Variants in CYTH1 observed in about 807,000 individuals in gnomAD.
CYTH1 encodes the protein cytohesin-1.
Under a neutral mutation model 61.8 loss-of-function variants are expected in CYTH1, and 18 were observed. The ratio of observed to expected loss-of-function variants is 0.29; its 90% CI spans 0.20 to 0.43. The LOEUF (loss-of-function observed/expected upper bound fraction) is 0.43, where lower values mean the gene tolerates loss of function less well. CYTH1 is among the 20% of genes least tolerant of loss of function. The pLI is 1.00. For synonymous variants in CYTH1, 174 were observed against 184.3 expected, an observed-to-expected ratio of 0.94 and a Z score of 0.45; for missense variants, 336 against 510.5, an observed-to-expected ratio of 0.66 and a Z score of 3.29.
At chr17:78,745,884 C>G (rs2093357714) in intron 1 of CYTH1, among the ~76,000 whole-genome samples, 1 of 151,612 alleles carries the variant, frequency 6.6e-6, no homozygotes, top group South Asian at 2.1e-4. Context: ...GAGCGAGACT[C>G]TGTCTCAAAA....
In CYTH1 at chr17:78,700,496, C is replaced by T; in HGVS notation, c.438-53G>A. 1 of 1,350,966 alleles carries T rather than the reference C, an allele frequency of 7.4e-7. No individual in the cohort carries two copies. The highest frequency in any genetic ancestry group is 1.0e-6 in the Non-Finnish European group (1 of 981,748). 83.7% of individuals were successfully genotyped at this position (1,350,966 alleles called of 1,614,324 possible). On this transcript the variant is annotated intron_variant, in intron 6 of 13. Coordinates refer to ENST00000446868, the MANE Select transcript of CYTH1 (RefSeq NM_004762.6). The surrounding 1 kb of genome is among the most constrained non-coding windows in gnomAD (Gnocchi z 5.1). Reference sequence around the variant, plus strand: ...GAACTTGGGGAGGCAATTTATTTCTCTATGAATTGTTAAACTGCCAATGAT... The same window carrying T: ...GAACTTGGGGAGGCAATTTATTTCTTTATGAATTGTTAAACTGCCAATGAT...
At chr17:78,777,163 C>T (rs904949056) in intron 1 of CYTH1, among the ~76,000 whole-genome samples, 10 of 147,704 alleles carry the variant, frequency 6.8e-5, no homozygotes, top group Non-Finnish European at 1.0e-4. Context: ...CGGTGGCTCA[C>T]GCCTGTAATC....
In CYTH1 at chr17:78,677,155, G is replaced by A. The variant is rs533458894; in HGVS notation, c.1119-986C>T. The A allele has an allele frequency of 1.8e-5, 8 of 445,912 alleles. No homozygotes were observed. The East Asian group carries it at 5.6e-4, about 31-fold the overall frequency. 27.6% of individuals were successfully genotyped at this position (445,912 alleles called of 1,614,324 possible). Reference sequence around the variant, plus strand: ...AAACATGTCCCGATGGGATCTCACTGGGAAGCGGTCTGACCACCTGAAGTG... The same window carrying A: ...AAACATGTCCCGATGGGATCTCACTAGGAAGCGGTCTGACCACCTGAAGTG... On this transcript the variant is annotated intron_variant, in intron 13 of 13. Transcript: ENST00000446868.
intron 1 of CYTH1, among the ~76,000 whole-genome samples, chr17:78,735,936 T>C (rs1273039848): frequency 6.6e-6 from 1 of 152,222 alleles, no homozygotes; most frequent in Non-Finnish European, 1.5e-5. Context: ...ACACAGCTCT[T>C]CAGCAGAATC....
chr17:78,759,876 C>G (rs2093415225), intron 1 of CYTH1, among the ~76,000 whole-genome samples: 1 of 152,186 alleles, frequency 6.6e-6, no homozygotes, highest in Admixed American at 6.5e-5. Flanking sequence ...TTGGAGAGAA[C>G]AGTTAGAGGT....
chr17:78,704,474 T>C (rs35131460), intron 3 of CYTH1, among the ~76,000 whole-genome samples: 3,120 of 152,222 alleles, frequency 0.02, 97 homozygotes, highest in South Asian at 0.15. Flanking sequence ...GCTAAATCCA[T>C]GGAGGGAAGA....
chr17:78,768,824 T>C (rs1006906126), intron 1 of CYTH1, among the ~76,000 whole-genome samples: 1 of 151,750 alleles, frequency 6.6e-6, no homozygotes, highest in Non-Finnish European at 1.5e-5. Flanking sequence ...GCTTCCTTTC[T>C]CTCTCCCTTC....
At position 78,680,270 on chromosome 17, in the gene CYTH1, C is replaced by T; in HGVS notation, c.1038G>A (p.Arg346=). The T allele has an allele frequency of 6.2e-7, 1 of 1,614,162 alleles. No individual in the cohort carries two copies. ...IKACKTEADG[R]VVEGNHTVYR... ...AAACAGTGTGGTTCCCCTCCACCAC[C>T]CGCCCGTCAGCCTCGGTCTTGCAGG... Residue 346 remains arginine, a synonymous_variant, in exon 13 of 14, where the codon CGG becomes CGA. Transcript: ENST00000446868.
At chr17:78,760,576 CAT>C (rs1555615428) in intron 1 of CYTH1, among the ~76,000 whole-genome samples, 1 of 24,892 alleles carries the variant, frequency 4.0e-5, no homozygotes, top group African/African-American at 1.4e-4. Context: ...TATACACATA[CAT>C]ATATATGTAT....
At position 78,675,800 on chromosome 17, in the gene CYTH1, C is replaced by T. The variant is rs2092691822; in HGVS notation, c.*291G>A. ...TTGGCTCTGAGCTCTGCTACCAGAA[C>T]ACTGAGCAGAGAAACTGGCCAGGAG... On this transcript the variant is annotated 3_prime_UTR_variant, in exon 14 of 14. Coordinates refer to ENST00000446868, the MANE Select transcript of CYTH1 (RefSeq NM_004762.6). The T allele has an allele frequency of 1.5e-6, 2 of 1,332,684 alleles. No homozygotes were observed. The highest frequency in any genetic ancestry group is 1.6e-5 in the South Asian group (1 of 61,184). 82.6% of individuals were successfully genotyped at this position (1,332,684 alleles called of 1,614,324 possible). A position where few individuals can be genotyped will look rare whatever the true frequency, so the allele number is the denominator to read the frequency against.
chr17:78,698,864 G>T lies in CYTH1; in HGVS notation c.655C>A (p.Arg219=). 6.2e-7 allele frequency: 1 copy of T among 1,600,128 alleles called. No homozygotes were observed. The highest frequency in any genetic ancestry group is 8.5e-7 in the Non-Finnish European group (1 of 1,175,982). The change falls in exon 8 of 14, where the codon CGA becomes AGA. Residue 219 remains arginine (R), a synonymous_variant. Transcript: ENST00000446868. The stretch of plus-strand genomic sequence containing the variant: ...AGGTCTCCCCCATCATTGATGCCTC[G>T]GTTCATGGCAATGAACCTCTCCACA... ...PTVERFIAMN[R]GINDGGDLPE... is the part of the protein sequence containing the mutation.
rs780779855 is a variant in CYTH1 at position 78,680,207 on chromosome 17, C to T, written c.1101G>A (p.Glu367=). 3 of 1,614,090 alleles carry T rather than the reference C, an allele frequency of 1.9e-6. No individual in the cohort carries two copies. The highest frequency in any genetic ancestry group is 2.2e-5 in the East Asian group (1 of 44,898). ...TCACTTACTTAATGCACTTAATCCA[C>T]TCCTCCTTCTCCTCGGGCGTCGGAG... ...ISAPTPEEKE[E]WIKCIKAAIS... The change falls in exon 13 of 14, where the codon GAG becomes GAA. Residue 367 remains glutamate, a synonymous_variant. Transcript: ENST00000446868.
At chr17:78,736,025 A>C (rs2093318551) in intron 1 of CYTH1, among the ~76,000 whole-genome samples, 1 of 152,206 alleles carries the variant, frequency 6.6e-6, no homozygotes, top group African/African-American at 2.4e-5. Flanking sequence ...GGAGCAGATA[A>C]AGGAAGTTCT....
At chr17:78,682,387 C>A (rs1404662716) in intron 11 of CYTH1, among the ~76,000 whole-genome samples, 1 of 152,162 alleles carries the variant, frequency 6.6e-6, no homozygotes, top group Non-Finnish European at 1.5e-5. Flanking sequence ...TTGAAGTAAT[C>A]CTTCCTGGAG....
intron 11 of CYTH1, among the ~76,000 whole-genome samples, chr17:78,681,330 G>A (rs2092760274): frequency 6.6e-6 from 1 of 152,140 alleles, no homozygotes; most frequent in Admixed American, 6.5e-5. Flanking sequence ...AGCAGGGAGT[G>A]TGCGGGCCCC....
chr17:78,676,971 C>T (rs1038751210), intron 13 of CYTH1: 3 of 455,766 alleles, frequency 6.6e-6, no homozygotes, highest in Non-Finnish European at 1.3e-5. Context: ...GCACAAGCCT[C>T]CTGACTGCAG....
At chr17:78,782,050 G>T in intron 1 of CYTH1, 152 bp downstream of exon 1, 1 of 622,884 alleles carries the variant, frequency 1.6e-6, no homozygotes, top group Non-Finnish European at 2.1e-6. Flanking sequence ...CGAGGGCCCC[G>T]CGCACCGCTC....
chr17:78,765,533 C>T (rs1040686377), intron 1 of CYTH1, among the ~76,000 whole-genome samples: 1 of 152,126 alleles, frequency 6.6e-6, no homozygotes. Context: ...GTAGAGGAGA[C>T]AAGCCTGAAG....
At chr17:78,710,496 C>A (rs542912179) in intron 1 of CYTH1, among the ~76,000 whole-genome samples, 5 of 152,310 alleles carry the variant, frequency 3.3e-5, no homozygotes, top group African/African-American at 1.2e-4. Context: ...GACAGACACC[C>A]TCTAAAATGA....
Sources: gnomAD v4.1 joint callset for allele counts (sites outside exome capture counted in the v4.1 genomes callset) on GRCh38, gnomAD v4.1.1 for gene constraint, Gnocchi (gnomAD v3.1) non-coding constraint, MANE v1.5 for transcripts, NCBI Gene and HGNC (gene_info 2026-07-23, HGNC 2026-07-21) for gene names.